The following DACT1 variants were observed in gnomAD, a reference collection of about 807,000 sequenced individuals.
DACT1 encodes the protein dapper homolog 1.
In DACT1, 19 loss-of-function variants were observed where a neutral mutation model predicts 35.3. That is an observed-to-expected ratio of 0.54 (90% CI 0.38 to 0.79). The LOEUF (loss-of-function observed/expected upper bound fraction) is 0.79, where lower values mean the gene tolerates loss of function less well. Ranked by LOEUF, DACT1 falls within the 30% of genes least tolerant of loss-of-function variation. DACT1 has a pLI of 0.00. For missense variants in DACT1, 1,143 were observed against 1,057.5 expected (o/e 1.08, Z -1.12); for synonymous variants, 545 against 466.7 (o/e 1.17, Z -2.16).
intron 3 of DACT1, 88 bp downstream of exon 3, chr14:58,641,835 G>T: frequency 3.8e-6 from 5 of 1,309,198 alleles, no homozygotes; most frequent in Non-Finnish European, 5.3e-6. Context: ...CCTTTCACTG[G>T]TGGAAAAATG....
Position 58,647,104 on chromosome 14 carries a change from T to C in DACT1, c.2370T>C (p.Ser790=), listed in dbSNP as rs767661671. The C allele has an allele frequency of 1.9e-6, 3 of 1,614,044 alleles. No individual in the cohort carries two copies. Among genetic ancestry groups the C allele is most frequent in the Non-Finnish European group, 1.7e-6 (2 of 1,180,042 alleles). The change falls in exon 4 of 4, where the codon TCT becomes TCC. Residue 790 remains serine (S), a synonymous_variant. Coordinates refer to ENST00000395153, the MANE Select transcript of DACT1 (RefSeq NM_001079520.2). ...NLKKKILRFR[S]GSLKLMTTV The stretch of plus-strand genomic sequence containing the variant: ...AGAAGAAGATCCTCCGCTTTCGGTC[T>C]GGCTCTTTGAAACTGATGACGACGG...
Position 58,646,739 on chromosome 14 carries a change from C to G in DACT1, c.2005C>G (p.Pro669Ala). The change falls in exon 4 of 4, where the codon CCC becomes GCC. Residue 669 changes from proline (P) to alanine (A), a missense_variant. Physicochemically the swap from Pro to Ala is conservative, Grantham distance 27. Transcript: ENST00000395153. ...RGRRENVGLY[P>A]APVPLPYASP... ...TCGCCGGGAGAATGTGGGGCTGTAC[C>G]CCGCGCCTGTGCCTCTGCCCTACGC... 6.2e-7 allele frequency: 1 copy of G among 1,613,838 alleles called. No individual in the cohort carries two copies. The highest frequency in any genetic ancestry group is 8.5e-7 in the Non-Finnish European group (1 of 1,180,012).
chr14:58,638,725 T>TG, intron 1 of DACT1, 178 bp downstream of exon 1: 1 of 1,177,762 alleles, frequency 8.5e-7, no homozygotes, highest in South Asian at 4.4e-5. Flanking sequence ...GCGTGTGGGC[T>TG]GCCGACGCCC....
upstream of DACT1, among the ~76,000 whole-genome samples, chr14:58,634,716 T>A (rs991484363): frequency 1.3e-5 from 2 of 152,250 alleles, no homozygotes; most frequent in Non-Finnish European, 2.9e-5. Context: ...GATGGCAAAA[T>A]GTGCAACTGA....
At chr14:58,638,654 G>A (rs2047598416) in intron 1 of DACT1, 107 bp downstream of exon 1, 5 of 1,233,434 alleles carry the variant, frequency 4.1e-6, no homozygotes, top group Non-Finnish European at 5.1e-6. Flanking sequence ...GGAGATGCTC[G>A]CTGTTATGGG....
chr14:58,635,268 CAAAG>C, upstream of DACT1, among the ~76,000 whole-genome samples: 1 of 152,250 alleles, frequency 6.6e-6, no homozygotes, highest in Non-Finnish European at 1.5e-5. Flanking sequence ...GCAACAAAAA[CAAAG>C]AATCAAAGAG....
At position 58,647,008 on chromosome 14, in the gene DACT1, G is replaced by T. The variant is rs745558571; in HGVS notation, c.2274G>T (p.Thr758=). The change falls in exon 4 of 4, where the codon ACG becomes ACT. Residue 758 remains threonine (T), a synonymous_variant. Transcript: ENST00000395153. ...TTGTCCAGACTCTGCCCATTCAAACGGTAACGGCCCCAGACCTTCACAACC... is the reference window on the plus strand; with the variant it reads ...TTGTCCAGACTCTGCCCATTCAAACTGTAACGGCCCCAGACCTTCACAACC... ...SQFVQTLPIQ[T]VTAPDLHNHP... 12 of 1,614,130 alleles carry T rather than the reference G, an allele frequency of 7.4e-6. No individual in the cohort carries two copies. Among genetic ancestry groups the T allele is most frequent in the Non-Finnish European group, 8.5e-6 (10 of 1,180,032 alleles).
chr14:58,635,531 TC>T (rs1171660092), upstream of DACT1, among the ~76,000 whole-genome samples: 2 of 152,236 alleles, frequency 1.3e-5, no homozygotes, highest in East Asian at 1.9e-4. Context: ...TAACCTTTTT[TC>T]CTATTCGTGA....
At position 58,646,315 on chromosome 14, in the gene DACT1, G is replaced by C. The variant is rs769670449; in HGVS notation, c.1581G>C (p.Gln527His). 9 of 1,609,966 alleles carry C rather than the reference G, an allele frequency of 5.6e-6. No individual in the cohort carries two copies. The highest frequency in any genetic ancestry group is 1.7e-5 in the Admixed American group (1 of 58,448). Residue 527 changes from glutamine to histidine, a missense_variant, in exon 4 of 4, where the codon CAG (glutamine) becomes CAC (histidine). By Grantham distance (24) the Gln-to-His change is conservative (BLOSUM62 0). Around this residue, in one of 3 missense-constraint regions of DACT1, gnomAD observed 1,054 missense variants for 958.8 expected, o/e 1.10. Coordinates refer to ENST00000395153, the MANE Select transcript of DACT1 (RefSeq NM_001079520.2). ...AGGCCCAGTTTATCCCGGGGCAGCA[G>C]CCCAGTGTCAGGCTCCACCGGGGCC... ...LVKAQFIPGQ[Q>H]PSVRLHRGHR...
At chr14:58,639,208 C>G in intron 1 of DACT1, 1 of 985,426 alleles carries the variant, frequency 1.0e-6, no homozygotes, top group South Asian at 4.7e-5. Context: ...ATATTTTATA[C>G]GTTCTGCCAG....
chr14:58,638,242 C>G lies in DACT1; in HGVS notation c.40C>G (p.Pro14Ala). ...SPAGTAKELEPPAPARGEQRT... is the reference protein window; with the variant it reads ...SPAGTAKELEAPAPARGEQRT... ...GGCCGGGACGGCGAAGGAGCTGGAG[C>G]CTCCGGCGCCGGCCCGAGGCGAGCA... Residue 14 changes from proline to alanine, a missense_variant, in exon 1 of 4, where the codon CCT becomes GCT. Pro to Ala is a conservative substitution (Grantham distance 27). Transcript: ENST00000395153. The G allele has an allele frequency of 7.3e-7, 1 of 1,363,814 alleles. No homozygotes were observed. The highest frequency in any genetic ancestry group is 1.7e-5 in the South Asian group (1 of 59,560). 84.5% of individuals were successfully genotyped at this position (1,363,814 alleles called of 1,614,324 possible).
chr14:58,636,907 C>CA (rs2047576001), upstream of DACT1, among the ~76,000 whole-genome samples: 1 of 152,004 alleles, frequency 6.6e-6, no homozygotes, highest in African/African-American at 2.4e-5. Flanking sequence ...CATGATACTT[C>CA]AAGAGGGAAG....
At chr14:58,635,982 C>T (rs1287443027), upstream of DACT1, among the ~76,000 whole-genome samples, 1 of 152,094 alleles carries the variant, frequency 6.6e-6, no homozygotes, top group Non-Finnish European at 1.5e-5. Context: ...TCCTTTCGTG[C>T]CTTACTAAAA....
chr14:58,645,739 G>A lies in DACT1; in HGVS notation c.1005G>A (p.Arg335=), dbSNP rs2047668835. 2 of 1,614,082 alleles carry A rather than the reference G, an allele frequency of 1.2e-6. No homozygotes were observed. The highest frequency in any genetic ancestry group is 1.7e-5 in the Admixed American group (1 of 60,018). The change falls in exon 4 of 4, where the codon AGG becomes AGA. Residue 335 remains arginine, a synonymous_variant. Transcript: ENST00000395153. ...VNADPTKGLL[R]NGSVCVRAPG... is the part of the protein sequence containing the mutation. Reference sequence around the variant, plus strand: ...CTGACCCCACGAAAGGGCTTCTGAGGAACGGGAGCGTTTGTGTCAGAGCCC... The same window carrying A: ...CTGACCCCACGAAAGGGCTTCTGAGAAACGGGAGCGTTTGTGTCAGAGCCC...
Position 58,647,725 on chromosome 14 carries a change from G to A in DACT1, c.*591G>A, listed in dbSNP as rs2047707704. The A allele has an allele frequency of 6.0e-6, 1 of 167,494 alleles. No homozygotes were observed. The highest frequency in any genetic ancestry group is 1.5e-5 in the Non-Finnish European group (1 of 68,470). The allele number at this position is 167,494 out of a possible 1,614,324, so 10.4% of individuals were successfully genotyped here. ...CCAAACCTTAAATCCAGAGATAGCA[G>A]CCTCGATAGGGACCTTAAAAGGATT... On this transcript the variant is annotated 3_prime_UTR_variant, in exon 4 of 4. Coordinates refer to ENST00000395153, the MANE Select transcript of DACT1 (RefSeq NM_001079520.2).
chr14:58,646,363 G>A lies in DACT1; in HGVS notation c.1629G>A (p.Lys543=). 1 of 1,605,998 alleles carries A rather than the reference G, an allele frequency of 6.2e-7. No homozygotes were observed. The highest frequency in any genetic ancestry group is 8.5e-7 in the Non-Finnish European group (1 of 1,178,082). ...GCCACAGGAACATGGGCGTCGTGAA[G>A]AACTCCAGCCTGAAGCACCGCGGCC... ...HRGHRNMGVV[K]NSSLKHRGPA... is the part of the protein sequence containing the mutation. Residue 543 remains lysine, a synonymous_variant, in exon 4 of 4, where the codon AAG becomes AAA. Transcript: ENST00000395153.
chr14:58,634,884 C>T (rs1286402712), upstream of DACT1, among the ~76,000 whole-genome samples: 4 of 152,186 alleles, frequency 2.6e-5, no homozygotes, highest in Non-Finnish European at 4.4e-5. Context: ...TGGCTCTGCC[C>T]AGGAAAGATC....
Position 58,646,289 on chromosome 14 carries a change from A to C in DACT1, c.1555A>C (p.Lys519Gln), listed in dbSNP as rs750848874. Residue 519 changes from lysine (K) to glutamine (Q), a missense_variant, in exon 4 of 4, where the codon AAG becomes CAG. Coordinates refer to ENST00000395153, the MANE Select transcript of DACT1 (RefSeq NM_001079520.2). ...SQSLEEAHLV[K>Q]AQFIPGQQPS... ...AAGCCTGGAGGAAGCGCACCTGGTC[A>C]AGGCCCAGTTTATCCCGGGGCAGCA... The C allele has an allele frequency of 3.7e-6, 6 of 1,612,422 alleles. No homozygotes were observed. In the South Asian group the frequency reaches 6.6e-5, roughly 18 times the overall value.
intron 2 of DACT1, among the ~76,000 whole-genome samples, chr14:58,641,240 C>T (rs925021181): frequency 5.5e-5 from 8 of 144,954 alleles, no homozygotes; most frequent in Admixed American, 5.4e-4. Flanking sequence ...ACCATTTGGG[C>T]TCCTTAGATT....
Sources: gnomAD v4.1 joint callset for allele counts (sites outside exome capture counted in the v4.1 genomes callset) on GRCh38, gnomAD v4.1.1 for gene constraint, gnomAD v4.1.1 regional missense constraint, MANE v1.5 for transcripts, NCBI Gene and HGNC (gene_info 2026-07-23, HGNC 2026-07-21) for gene names.